Variants in RGP1 observed in about 807,000 individuals in gnomAD.
The protein encoded by RGP1 is RAB6A-GEF complex partner protein 2.
A neutral mutation model predicts 44.5 loss-of-function variants in RGP1; 28 were observed. That is an observed-to-expected ratio of 0.63 (90% CI 0.47 to 0.86). RGP1 has a LOEUF of 0.86. Among genes scored for constraint, RGP1 ranks in the 40% least tolerant of loss-of-function variants. The probability of loss-of-function intolerance (pLI) is 0.00; values close to 1 mark genes in which losing one functional copy is unlikely to be tolerated. For missense variants in RGP1, 417 were observed against 490.7 expected, an observed-to-expected ratio of 0.85 and a Z score of 1.42; for synonymous variants, 212 against 196.7, an observed-to-expected ratio of 1.08 and a Z score of -0.65.
At position 35,751,403 on chromosome 9, in the gene RGP1, C is replaced by G. The variant is rs774688079; in HGVS notation, c.625C>G (p.Arg209Gly). The G allele has an allele frequency of 6.2e-7, 1 of 1,613,824 alleles. No individual in the cohort carries two copies. Among genetic ancestry groups the G allele is most frequent in the Non-Finnish European group, 8.5e-7 (1 of 1,179,866 alleles). Residue 209 changes from arginine (R) to glycine (G), a missense_variant, in exon 6 of 9, where the codon CGC becomes GGC. Arg to Gly is a moderately radical substitution (Grantham distance 125). Transcript: ENST00000378078. Reference protein sequence around the residue: ...GERLMAATSCRSLHLYNISDG... With the variant: ...GERLMAATSCGSLHLYNISDG... ...ACGCCTAATGGCTGCCACATCCTGC[C>G]GCAGCCTCCGTGAGAATTCTTTCAG...
In RGP1 at chr9:35,757,957, TA is replaced by T. The variant is rs976664543; in HGVS notation, c.*5084del. On this transcript the variant is annotated 3_prime_UTR_variant, in exon 9 of 9. Coordinates refer to ENST00000378078, the MANE Select transcript of RGP1 (RefSeq NM_001080496.3). ...AGAAAAGTTGCACAATCTAATTCAA[TA>T]TTTGACTTAAAACCAAAAGTGAGGC... 6.6e-6 allele frequency: 1 copy of T among 152,236 alleles called. No homozygotes were observed. Among genetic ancestry groups the T allele is most frequent in the Non-Finnish European group, 1.5e-5 (1 of 68,042 alleles). 9.4% of individuals were successfully genotyped at this position (152,236 alleles called of 1,614,324 possible).
chr9:35,750,074 C>G (rs568835293), intron 2 of RGP1, among the ~76,000 whole-genome samples, 169 bp from the exon 3 acceptor site: 41 of 152,352 alleles, frequency 2.7e-4, no homozygotes, highest in African/African-American at 9.4e-4. Context: ...CCCCTTTTTA[C>G]GCACAGTCTG....
chr9:35,789,686 G>A, the RGP1 span, among the ~76,000 whole-genome samples: 1 of 152,214 alleles, frequency 6.6e-6, no homozygotes, highest in Non-Finnish European at 1.5e-5. Context: ...AGTGGTGGCT[G>A]ATCCTCACTG....
Position 35,750,004 on chromosome 9 carries a change from G to A in RGP1, c.116+133G>A, listed in dbSNP as rs192768346. ...CTCACTGTGCTGTCATTGTAGGAGA[G>A]GGCTCTTTAACAGAAGATGTGGATG... On this transcript the variant is annotated intron_variant, in intron 2 of 8. Transcript: ENST00000378078. 6 of 864,840 alleles carry A rather than the reference G, an allele frequency of 6.9e-6. No homozygotes were observed. The Admixed American group carries it at 1.3e-4, about 19-fold the overall frequency. The allele number at this position is 864,840 out of a possible 1,614,324, so 53.6% of individuals were successfully genotyped here. A position where few individuals can be genotyped will look rare whatever the true frequency, so the allele number is the denominator to read the frequency against.
chr9:35,777,486 T>C, the RGP1 span, among the ~76,000 whole-genome samples: 1 of 151,330 alleles, frequency 6.6e-6, no homozygotes, highest in African/African-American at 2.4e-5. Flanking sequence ...TTTATTTATT[T>C]TTATATATAT....
rs770696102 is a variant in RGP1 at position 35,750,954 on chromosome 9, T to C, written c.452T>C (p.Leu151Ser). 5 of 1,613,994 alleles carry C rather than the reference T, an allele frequency of 3.1e-6. No individual in the cohort carries two copies. Among genetic ancestry groups the C allele is most frequent in the Non-Finnish European group, 4.2e-6 (5 of 1,179,900 alleles). ...GCQRVNSPIT[L>S]LRVPLRVLVL... is the part of the protein sequence containing the mutation. ...CAGCGTGTCAACTCCCCTATCACTT[T>C]ACTCAGAGTCCCTCTGAGGGTTCTT... The change falls in exon 5 of 9, where the codon TTA becomes TCA. Residue 151 changes from leucine (L) to serine (S), a missense_variant. Coordinates refer to ENST00000378078, the MANE Select transcript of RGP1 (RefSeq NM_001080496.3).
the RGP1 span, among the ~76,000 whole-genome samples, chr9:35,785,798 C>A: frequency 1.1e-4 from 16 of 152,302 alleles, no homozygotes; most frequent in African/African-American, 3.6e-4. Context: ...CCTTTGCAAC[C>A]CCTGCCTTTG....
chr9:35,788,695 C>G, the RGP1 span, among the ~76,000 whole-genome samples: 1 of 152,156 alleles, frequency 6.6e-6, no homozygotes, highest in South Asian at 2.1e-4. Flanking sequence ...AAGTTGGACC[C>G]TAGCTGGTTG....
At chr9:35,784,147 A>G in the RGP1 span, among the ~76,000 whole-genome samples, 1 of 151,606 alleles carries the variant, frequency 6.6e-6, no homozygotes, top group African/African-American at 2.4e-5. Flanking sequence ...TTTTTTTGCT[A>G]TTGAATTGTT....
chr9:35,770,552 C>T, the RGP1 span, among the ~76,000 whole-genome samples: 39 of 124,718 alleles, frequency 3.1e-4, no homozygotes, highest in Admixed American at 2.4e-3. Flanking sequence ...GAGTGGAAAA[C>T]GAAATCTAGA....
Position 35,753,661 on chromosome 9 carries a change from T to C in RGP1, c.*787T>C, listed in dbSNP as rs767449508. On this transcript the variant is annotated 3_prime_UTR_variant, in exon 9 of 9. Transcript: ENST00000378078. The surrounding 1 kb of genome is among the most constrained non-coding windows in gnomAD (Gnocchi z 4.2). ...CTCTGGCCATCTTTGGTCACTCACG[T>C]GTCACAGCAGCCCACGCCAACAGGA... 12 of 1,613,014 alleles carry C rather than the reference T, an allele frequency of 7.4e-6. No homozygotes were observed. The Admixed American group carries it at 1.5e-4, about 20-fold the overall frequency.
chr9:35,770,563 A>G, the RGP1 span, among the ~76,000 whole-genome samples: 2 of 150,192 alleles, frequency 1.3e-5, no homozygotes, highest in East Asian at 3.9e-4. Flanking sequence ...GAAATCTAGA[A>G]TAGATCCCTG....
the RGP1 span, among the ~76,000 whole-genome samples, chr9:35,777,742 T>G: frequency 6.6e-6 from 1 of 152,212 alleles, no homozygotes; most frequent in East Asian, 1.9e-4. Flanking sequence ...CAGAAAAGCC[T>G]TCTTAGCTCT....
In RGP1 at chr9:35,753,946, C is replaced by T. The variant is rs1159782403; in HGVS notation, c.*1072C>T. On this transcript the variant is annotated 3_prime_UTR_variant, in exon 9 of 9. Coordinates refer to ENST00000378078, the MANE Select transcript of RGP1 (RefSeq NM_001080496.3). The surrounding 1 kb of genome is among the most constrained non-coding windows in gnomAD (Gnocchi z 4.2). The stretch of plus-strand genomic sequence containing the variant: ...ACGGGATCATCTGTAAGGCCCCATC[C>T]TCCCTGTGCCCTCTCTGCTGCTCCT... 4 of 1,581,120 alleles carry T rather than the reference C, an allele frequency of 2.5e-6. No homozygotes were observed. In the African/African-American group the frequency reaches 5.4e-5, roughly 21 times the overall value.
the RGP1 span, among the ~76,000 whole-genome samples, chr9:35,789,376 G>C: frequency 6.8e-6 from 1 of 147,328 alleles, no homozygotes; most frequent in Non-Finnish European, 1.5e-5. Flanking sequence ...TGTCACCCAG[G>C]CTGCCTCTAT....
the RGP1 span, among the ~76,000 whole-genome samples, chr9:35,773,861 G>A: frequency 6.6e-6 from 1 of 151,478 alleles, no homozygotes; most frequent in African/African-American, 2.4e-5. Flanking sequence ...AAAAGAGATG[G>A]GGTCTTGCTA....
chr9:35,777,552 C>G, the RGP1 span, among the ~76,000 whole-genome samples: 2 of 151,658 alleles, frequency 1.3e-5, no homozygotes, highest in Non-Finnish European at 2.9e-5. Context: ...ACTTTGGCCT[C>G]AAATGATCCT....
rs2132036675 is a variant in RGP1 at position 35,753,601 on chromosome 9, G to A, written c.*727G>A. On this transcript the variant is annotated 3_prime_UTR_variant, in exon 9 of 9. Transcript: ENST00000378078. This position sits in a 1 kb window ranked among gnomAD's most constrained non-coding sequence, Gnocchi z 4.2. ...CATCACAGCAATCTAGTCACTCCCT[G>A]GTCATCCCTCAGTCACTCATATCAG... The A allele has an allele frequency of 1.4e-6, 2 of 1,405,896 alleles. No homozygotes were observed. Among genetic ancestry groups the A allele is most frequent in the South Asian group, 2.4e-5 (2 of 83,336 alleles). The allele number at this position is 1,405,896 out of a possible 1,614,324, so 87.1% of individuals were successfully genotyped here. A position where few individuals can be genotyped will look rare whatever the true frequency, so the allele number is the denominator to read the frequency against.
chr9:35,749,744 T>C lies in RGP1; in HGVS notation c.-12T>C, dbSNP rs1270575886. On this transcript the variant is annotated 5_prime_UTR_variant, in exon 2 of 9. Transcript: ENST00000378078. The surrounding 1 kb of genome is among the most constrained non-coding windows in gnomAD (Gnocchi z 4.4). Reference sequence around the variant, plus strand: ...CGCCTTGTTTCCTTCTAGATCTGATTCCGGAGCTGCCATGATTGAAGTGGT... The same window carrying C: ...CGCCTTGTTTCCTTCTAGATCTGATCCCGGAGCTGCCATGATTGAAGTGGT... 2 of 1,598,212 alleles carry C rather than the reference T, an allele frequency of 1.3e-6. No individual in the cohort carries two copies. Among genetic ancestry groups the C allele is most frequent in the Non-Finnish European group, 1.7e-6 (2 of 1,166,468 alleles).
Sources: gnomAD v4.1 joint callset for allele counts (sites outside exome capture counted in the v4.1 genomes callset) on GRCh38, gnomAD v4.1.1 for gene constraint, Gnocchi (gnomAD v3.1) non-coding constraint, MANE v1.5 for transcripts, NCBI Gene and HGNC (gene_info 2026-07-23, HGNC 2026-07-21) for gene names.